HPSE2: variants seen among roughly 807,000 people sequenced by gnomAD.
HPSE2 encodes heparanase 2 (inactive).
A neutral mutation model predicts 60.5 loss-of-function variants in HPSE2; 38 were observed. The ratio of observed to expected loss-of-function variants is 0.63; its 90% CI spans 0.48 to 0.82. The LOEUF is 0.82. Ranked by LOEUF, HPSE2 falls within the 40% of genes least tolerant of loss-of-function variation. HPSE2 has a pLI of 0.00. For synonymous variants in HPSE2, 295 were observed against 293.2 expected, an observed-to-expected ratio of 1.01 and a Z score of -0.06; for missense variants, 713 against 740.4, an observed-to-expected ratio of 0.96 and a Z score of 0.43.
At chr10:98,661,958 G>T (rs937069610) in intron 6 of HPSE2, among the ~76,000 whole-genome samples, 1 of 152,178 alleles carries the variant, frequency 6.6e-6, no homozygotes, top group Non-Finnish European at 1.5e-5. Context: ...GGAGTGCAGT[G>T]GTCTTGGCTC....
intron 3 of HPSE2, among the ~76,000 whole-genome samples, chr10:99,011,175 G>A (rs1957004637): frequency 6.6e-6 from 1 of 151,214 alleles, no homozygotes; most frequent in South Asian, 2.1e-4. Flanking sequence ...ATTTACTTTT[G>A]TAAAACCATG....
chr10:98,865,940 C>T (rs1173668041), intron 3 of HPSE2, among the ~76,000 whole-genome samples: 1 of 152,028 alleles, frequency 6.6e-6, no homozygotes, highest in East Asian at 1.9e-4. Flanking sequence ...ACTTAACTCT[C>T]CATAAACATA....
At chr10:98,797,693 A>T (rs1278479898) in intron 3 of HPSE2, among the ~76,000 whole-genome samples, 2 of 151,822 alleles carry the variant, frequency 1.3e-5, no homozygotes, top group Non-Finnish European at 2.9e-5. Context: ...AAATACAAAA[A>T]ATTAGCCGAG....
At chr10:98,886,264 T>C (rs111736070) in intron 3 of HPSE2, among the ~76,000 whole-genome samples, 6 of 152,242 alleles carry the variant, frequency 3.9e-5, no homozygotes, top group African/African-American at 1.2e-4. Flanking sequence ...TATTCATATA[T>C]TGTAGCTATA....
chr10:98,570,207 C>T (rs970660457), intron 9 of HPSE2, among the ~76,000 whole-genome samples: 1 of 152,312 alleles, frequency 6.6e-6, no homozygotes, highest in East Asian at 1.9e-4. Flanking sequence ...TCCTTGAAGG[C>T]AGTCTTCCCC....
intron 11 of HPSE2, among the ~76,000 whole-genome samples, chr10:98,476,247 C>T (rs1941012717): frequency 6.9e-6 from 1 of 144,732 alleles, no homozygotes; most frequent in African/African-American, 2.6e-5. Context: ...ACTGCATGTT[C>T]TCACTCATAG....
chr10:98,739,824 G>T (rs1949451905), intron 4 of HPSE2, among the ~76,000 whole-genome samples: 1 of 152,148 alleles, frequency 6.6e-6, no homozygotes, highest in South Asian at 2.1e-4. Flanking sequence ...TCATAATGTA[G>T]TTCAGTGTTC....
intron 3 of HPSE2, among the ~76,000 whole-genome samples, chr10:98,802,284 T>G (rs1050886564): frequency 7.7e-6 from 1 of 129,734 alleles, no homozygotes; most frequent in African/African-American, 3.0e-5. Flanking sequence ...TTCTTTTTTT[T>G]AAATTTTCTC....
chr10:99,166,369 T>A (rs763174183), intron 2 of HPSE2, among the ~76,000 whole-genome samples: 1 of 152,244 alleles, frequency 6.6e-6, no homozygotes, highest in African/African-American at 2.4e-5. Flanking sequence ...TTTAGCTTTA[T>A]AGGAAACTGT....
At chr10:98,737,071 C>CTTTT (rs1589737143) in intron 4 of HPSE2, among the ~76,000 whole-genome samples, 1 of 151,510 alleles carries the variant, frequency 6.6e-6, no homozygotes, top group Non-Finnish European at 1.5e-5. Context: ...TTTTTTTCTT[C>CTTTT]CTCCTCCTCT....
the HPSE2 span, among the ~76,000 whole-genome samples, chr10:99,281,415 T>TATTC: frequency 1.1e-4 from 17 of 151,850 alleles, no homozygotes; most frequent in South Asian, 3.3e-3. Flanking sequence ...TGAAAACATA[T>TATTC]ATTCTGTTTT....
chr10:98,773,196 A>G (rs1242587867), intron 3 of HPSE2, among the ~76,000 whole-genome samples: 4 of 152,178 alleles, frequency 2.6e-5, no homozygotes, highest in Non-Finnish European at 5.9e-5. Context: ...CAGTTTAACT[A>G]CTTTTGTACA....
At chr10:98,731,500 A>C (rs1949227052) in intron 4 of HPSE2, among the ~76,000 whole-genome samples, 1 of 152,220 alleles carries the variant, frequency 6.6e-6, no homozygotes, top group East Asian at 1.9e-4. Context: ...ATTGTAATAG[A>C]ACAAAAGACC....
chr10:99,233,274 A>C (rs979312895), intron 1 of HPSE2, among the ~76,000 whole-genome samples: 1 of 151,952 alleles, frequency 6.6e-6, no homozygotes, highest in Non-Finnish European at 1.5e-5. Context: ...ATTCCGCCTG[A>C]TCTCAGGAAA....
chr10:98,500,583 CA>C (rs1941997534), intron 9 of HPSE2, among the ~76,000 whole-genome samples: 1 of 152,120 alleles, frequency 6.6e-6, no homozygotes, highest in African/African-American at 2.4e-5. Context: ...TGAAAGAGCA[CA>C]GACTGACATT....
At chr10:98,854,682 T>C (rs190689909) in intron 3 of HPSE2, among the ~76,000 whole-genome samples, 19 of 152,276 alleles carry the variant, frequency 1.2e-4, no homozygotes, top group African/African-American at 1.9e-4. Flanking sequence ...AAAGGACATA[T>C]AACATGTAAG....
At chr10:98,536,860 G>C (rs1313132081) in intron 9 of HPSE2, among the ~76,000 whole-genome samples, 2 of 152,106 alleles carry the variant, frequency 1.3e-5, no homozygotes, top group African/African-American at 4.8e-5. Context: ...AATAAGTTCT[G>C]TTTGGCTGGA....
the HPSE2 span, among the ~76,000 whole-genome samples, chr10:99,285,872 C>T: frequency 6.6e-6 from 1 of 152,132 alleles, no homozygotes; most frequent in Non-Finnish European, 1.5e-5. Context: ...TTGAAGTGAG[C>T]TGAGTTTGCA....
intron 6 of HPSE2, among the ~76,000 whole-genome samples, chr10:98,665,212 C>A (rs1254840233): frequency 2.0e-5 from 3 of 152,066 alleles, no homozygotes; most frequent in Admixed American, 1.3e-4. Context: ...AAGACTGACT[C>A]TTCAAATCAA....
Sources: gnomAD v4.1 joint callset for allele counts (sites outside exome capture counted in the v4.1 genomes callset) on GRCh38, gnomAD v4.1.1 for gene constraint, MANE v1.5 for transcripts, NCBI Gene and HGNC (gene_info 2026-07-23, HGNC 2026-07-21) for gene names.